The following SERPINE2 variants were observed in gnomAD, a reference collection of about 807,000 sequenced individuals.
The protein encoded by SERPINE2 is glia-derived nexin.
In SERPINE2, 14 loss-of-function variants were observed where a neutral mutation model predicts 36.3. The ratio of observed to expected loss-of-function variants is 0.39; its 90% CI spans 0.25 to 0.60. The LOEUF is 0.60. Among genes scored for constraint, SERPINE2 ranks in the 20% least tolerant of loss-of-function variants. The pLI is 0.57. For synonymous variants in SERPINE2, 192 were observed against 191.8 expected (o/e 1.00, Z -0.01); for missense variants, 418 against 499.6 (o/e 0.84, Z 1.56).
At chr2:224,032,582 T>C (rs1037456140) in intron 1 of SERPINE2, among the ~76,000 whole-genome samples, 1 of 152,188 alleles carries the variant, frequency 6.6e-6, no homozygotes, top group Non-Finnish European at 1.5e-5. Context: ...CTTGATGGGA[T>C]TTTTTCTTTT....
intron 1 of SERPINE2, among the ~76,000 whole-genome samples, chr2:224,011,819 T>C (rs754109807): frequency 3.9e-5 from 6 of 152,216 alleles, no homozygotes; most frequent in Non-Finnish European, 7.3e-5. Flanking sequence ...AGCAAAAGTA[T>C]TGCAATATTC....
Position 224,020,732 on chromosome 2 carries a change from G to A in SERPINE2, c.-23+18367C>T, listed in dbSNP as rs1335730814. Among the ~76,000 whole-genome samples, 8 of 152,106 alleles carry A rather than the reference G, an allele frequency of 5.3e-5. No homozygotes were observed. The East Asian group carries it at 9.6e-4, about 18-fold the overall frequency. On this transcript the variant is annotated intron_variant, in intron 1 of 8. Coordinates refer to ENST00000409304, the MANE Select transcript of SERPINE2 (RefSeq NM_001136528.2). ...CCAGCTGTAAAAATACAGCCACACCGAACATATTTTTTTCTGCAGCTAATT... is the reference window on the plus strand; with the variant it reads ...CCAGCTGTAAAAATACAGCCACACCAAACATATTTTTTTCTGCAGCTAATT...
At chr2:224,035,469 G>C (rs1405170532) in intron 1 of SERPINE2, among the ~76,000 whole-genome samples, 1 of 152,080 alleles carries the variant, frequency 6.6e-6, no homozygotes, top group African/African-American at 2.4e-5. Flanking sequence ...TGCAACCTCT[G>C]CCTCCCGGGT....
At chr2:223,987,880 C>T (rs1396555617) in intron 4 of SERPINE2, among the ~76,000 whole-genome samples, 1 of 152,110 alleles carries the variant, frequency 6.6e-6, no homozygotes, top group East Asian at 1.9e-4. Context: ...TATCAGGAAA[C>T]CTTTATAGAT....
intron 4 of SERPINE2, among the ~76,000 whole-genome samples, chr2:223,991,317 CCA>C: frequency 6.6e-6 from 1 of 152,318 alleles, no homozygotes; most frequent in East Asian, 1.9e-4. Context: ...AGTCCTCGGA[CCA>C]CAGATCCCTG....
At chr2:224,036,508 G>T (rs1692542465) in intron 1 of SERPINE2, among the ~76,000 whole-genome samples, 1 of 151,516 alleles carries the variant, frequency 6.6e-6, no homozygotes, top group South Asian at 2.1e-4. Flanking sequence ...GGTAGGGGAG[G>T]GATAGCATTA....
intron 1 of SERPINE2, among the ~76,000 whole-genome samples, chr2:224,017,523 AG>A (rs1654500061): frequency 6.6e-6 from 1 of 152,214 alleles, no homozygotes; most frequent in African/African-American, 2.4e-5. Context: ...GACTTATAAC[AG>A]TATTAATTCT....
intron 1 of SERPINE2, among the ~76,000 whole-genome samples, chr2:224,033,866 G>C (rs1302726944): frequency 6.6e-6 from 1 of 152,160 alleles, no homozygotes; most frequent in African/African-American, 2.4e-5. Flanking sequence ...AAGTGCTTCT[G>C]TATTAGACTT....
intron 1 of SERPINE2, among the ~76,000 whole-genome samples, chr2:224,019,949 A>C (rs1691940403): frequency 6.6e-6 from 1 of 152,090 alleles, no homozygotes. Context: ...GACCAACCAA[A>C]TGTCTGGAGA....
chr2:224,028,923 C>G (rs1297043587), intron 1 of SERPINE2, among the ~76,000 whole-genome samples: 1 of 152,160 alleles, frequency 6.6e-6, no homozygotes, highest in African/African-American at 2.4e-5. Flanking sequence ...TGCCACTGTA[C>G]ATGTAAAAAA....
chr2:224,023,072 AAATTACCC>A (rs997775892), intron 1 of SERPINE2, among the ~76,000 whole-genome samples: 35 of 152,352 alleles, frequency 2.3e-4, no homozygotes, highest in African/African-American at 7.9e-4. Context: ...TTTCCTTAAT[AAATTACCC>A]AGTCTGGGAT....
At chr2:224,021,893 C>T (rs1333576175) in intron 1 of SERPINE2, among the ~76,000 whole-genome samples, 2 of 152,128 alleles carry the variant, frequency 1.3e-5, no homozygotes, top group Non-Finnish European at 2.9e-5. Flanking sequence ...GGCGTGGTGG[C>T]TCACGCCTGT....
At position 224,001,848 on chromosome 2, in the gene SERPINE2, A is replaced by T; in HGVS notation, c.53T>A (p.Ile18Asn). ...FLLASVTLPSICSHFNPLSLE... is the reference protein window; with the variant it reads ...FLLASVTLPSNCSHFNPLSLE... Reference sequence around the variant, plus strand: ...AGACAGAGGATTGAAGTGGGAGCAGATGGAAGGCAGCGTCACAGAGGCCAA... The same window carrying T: ...AGACAGAGGATTGAAGTGGGAGCAGTTGGAAGGCAGCGTCACAGAGGCCAA... Residue 18 changes from isoleucine to asparagine, a missense_variant, in exon 2 of 9, where the codon ATC (isoleucine) becomes AAC (asparagine). Ile to Asn is a moderately radical substitution (Grantham distance 149). Coordinates refer to ENST00000409304, the MANE Select transcript of SERPINE2 (RefSeq NM_001136528.2). The T allele has an allele frequency of 6.2e-7, 1 of 1,614,128 alleles. No homozygotes were observed.
chr2:224,001,429 TACAAAAAAGGG>T, intron 2 of SERPINE2: 1 of 522,280 alleles, frequency 1.9e-6, no homozygotes, highest in Non-Finnish European at 3.3e-6. Flanking sequence ...GCTCCAAAAG[TACAAAAAAGGG>T]ACCAGAGTCT....
intron 2 of SERPINE2, among the ~76,000 whole-genome samples, chr2:223,999,351 CCTT>C (rs1691015511): frequency 6.6e-6 from 1 of 152,186 alleles, no homozygotes; most frequent in South Asian, 2.1e-4. Flanking sequence ...AATTACAGAT[CCTT>C]CTTCATCGCT....
chr2:224,037,641 C>T (rs1692577677), intron 1 of SERPINE2, among the ~76,000 whole-genome samples: 1 of 152,140 alleles, frequency 6.6e-6, no homozygotes, highest in Admixed American at 6.5e-5. Flanking sequence ...CACCCAGGGA[C>T]GTGGCCAGGT....
At chr2:223,985,129 G>T (rs1254076232) in intron 4 of SERPINE2, 179 bp from the exon 5 acceptor site, 9 of 606,958 alleles carry the variant, frequency 1.5e-5, no homozygotes, top group Non-Finnish European at 2.3e-5. Context: ...CCCCAGTGAA[G>T]AATTCTCCTT....
intron 1 of SERPINE2, among the ~76,000 whole-genome samples, chr2:224,023,462 G>C (rs1320074716): frequency 6.6e-6 from 1 of 152,162 alleles, no homozygotes; most frequent in East Asian, 1.9e-4. Flanking sequence ...ATCTTTCCCA[G>C]AGCAATAGAG....
At chr2:223,982,376 G>T in intron 6 of SERPINE2, 1 of 241,228 alleles carries the variant, frequency 4.1e-6, no homozygotes, top group South Asian at 5.8e-5. Flanking sequence ...TGAGTACAAC[G>T]TATACTACTC....
Sources: allele counts gnomAD v4.1 joint callset (sites outside exome capture counted in the v4.1 genomes callset), GRCh38; gene constraint gnomAD v4.1.1; transcripts MANE v1.5; gene names NCBI Gene and HGNC (gene_info 2026-07-23, HGNC 2026-07-21).